ALDH8A1: variants seen among roughly 807,000 people sequenced by gnomAD.
ALDH8A1 encodes the protein 2-aminomuconic semialdehyde dehydrogenase.
In ALDH8A1, 39 loss-of-function variants were observed where a neutral mutation model predicts 43.3. The ratio of observed to expected loss-of-function variants is 0.90; its 90% CI spans 0.70 to 1.18. ALDH8A1 has a LOEUF of 1.18. Among genes scored for constraint, ALDH8A1 ranks in the 50% most tolerant of loss-of-function variants. The pLI, the probability that ALDH8A1 is intolerant of heterozygous loss-of-function variation, is 0.00. For missense variants in ALDH8A1, 605 were observed against 622.6 expected (o/e 0.97, Z 0.30); for synonymous variants, 233 against 243.5 (o/e 0.96, Z 0.40).
chr6:134,942,403 A>G lies in ALDH8A1; in HGVS notation c.442+6T>C. 6.2e-7 allele frequency: 1 copy of G among 1,604,308 alleles called. No homozygotes were observed. The highest frequency in any genetic ancestry group is 8.5e-7 in the Non-Finnish European group (1 of 1,173,562). ...GGGAGGTGGGCTCTCACTGAACAGC[A>G]CTCACCGACTCCCACCGGGGCCCGC... On this transcript the variant is annotated splice_donor_region_variant and intron_variant, in intron 3 of 6. Transcript: ENST00000265605.
chr6:134,944,985 T>C lies in ALDH8A1; in HGVS notation c.139-1019A>G, dbSNP rs186998047. Among the ~76,000 whole-genome samples, 581 of 149,670 alleles carry C rather than the reference T, an allele frequency of 3.9e-3. 3 individuals are homozygous for C. The highest frequency in any genetic ancestry group is 0.013 in the African/African-American group (520 of 41,044). ...AGTAGAAGAAGAAAATTAATCTAGA[T>C]ATGTGGAATCTCTAAAGCTTCTAAC... On this transcript the variant is annotated intron_variant, in intron 1 of 6. Transcript: ENST00000265605.
intron 5 of ALDH8A1, among the ~76,000 whole-genome samples, chr6:134,932,070 A>G (rs942189967): frequency 6.6e-6 from 1 of 152,236 alleles, no homozygotes; most frequent in African/African-American, 2.4e-5. Flanking sequence ...TCCAGGGTTT[A>G]TGTACACCTG....
chr6:134,923,783 A>G (rs549500099), intron 6 of ALDH8A1, among the ~76,000 whole-genome samples: 2 of 152,194 alleles, frequency 1.3e-5, no homozygotes, highest in Non-Finnish European at 2.9e-5. Context: ...AGGAATGAGG[A>G]CTAGTGGCCT....
In ALDH8A1 at chr6:134,944,903, G is replaced by A. The variant is rs556745641; in HGVS notation, c.139-937C>T. ...GACCCTGTCTCAAAAAAATGTATATGTTATACATATATACTATATATATAT... is the reference window on the plus strand; with the variant it reads ...GACCCTGTCTCAAAAAAATGTATATATTATACATATATACTATATATATAT... On this transcript the variant is annotated intron_variant, in intron 1 of 6. Transcript: ENST00000265605. Among the ~76,000 whole-genome samples, 630 of 144,614 alleles carry A rather than the reference G, an allele frequency of 4.4e-3. 3 individuals carry two copies. The highest frequency in any genetic ancestry group is 0.016 in the African/African-American group (599 of 38,406). 94.9% of individuals were successfully genotyped at this position (144,614 alleles called of 152,430 possible).
intron 4 of ALDH8A1, among the ~76,000 whole-genome samples, chr6:134,936,607 G>A (rs1773745154): frequency 6.6e-6 from 1 of 152,170 alleles, no homozygotes; most frequent in East Asian, 1.9e-4. Context: ...GTTCAGAGTA[G>A]CATTTTAACT....
At chr6:134,920,489 T>A (rs546298395) in intron 6 of ALDH8A1, among the ~76,000 whole-genome samples, 1 of 152,174 alleles carries the variant, frequency 6.6e-6, no homozygotes, top group East Asian at 1.9e-4. Flanking sequence ...GTGGCTGAAC[T>A]TCATCAATGA....
intron 6 of ALDH8A1, among the ~76,000 whole-genome samples, chr6:134,920,182 G>A (rs1410083860): frequency 6.6e-6 from 1 of 152,202 alleles, no homozygotes; most frequent in Non-Finnish European, 1.5e-5. Flanking sequence ...TTACAGGAAT[G>A]AGCCACCACA....
chr6:134,937,178 T>C (rs1052643142), intron 4 of ALDH8A1, among the ~76,000 whole-genome samples: 3 of 152,240 alleles, frequency 2.0e-5, no homozygotes, highest in South Asian at 2.1e-4. Flanking sequence ...CACTGTGTCA[T>C]CTTAAAAATG....
intron 6 of ALDH8A1, among the ~76,000 whole-genome samples, chr6:134,922,929 G>A (rs939640859): frequency 2.0e-5 from 3 of 152,176 alleles, no homozygotes; most frequent in South Asian, 2.1e-4. Flanking sequence ...CCTTAGGACT[G>A]TAAGATGCCA....
intron 1 of ALDH8A1, among the ~76,000 whole-genome samples, chr6:134,948,592 T>C (rs1488422404): frequency 6.6e-6 from 1 of 152,190 alleles, no homozygotes; most frequent in East Asian, 1.9e-4. Flanking sequence ...CGGGAGCCAC[T>C]GTTAGCAGCA....
chr6:134,926,745 G>T (rs1562252327), intron 6 of ALDH8A1, among the ~76,000 whole-genome samples: 2 of 151,926 alleles, frequency 1.3e-5, no homozygotes, highest in Non-Finnish European at 2.9e-5. Context: ...GGAGGTGGAG[G>T]TTGCAGTGAG....
Position 134,933,045 on chromosome 6 carries a change from C to T in ALDH8A1, c.593-13G>A. On this transcript the variant is annotated splice_polypyrimidine_tract_variant and intron_variant, in intron 4 of 6. Coordinates refer to ENST00000265605, the MANE Select transcript of ALDH8A1 (RefSeq NM_022568.4). ...CCTGGTGGAACACCTGGATAGGAAA[C>T]AGTATCAGTTATAGTAATTCTCAGT... The T allele has an allele frequency of 1.3e-6, 2 of 1,541,346 alleles. No individual in the cohort carries two copies. The highest frequency in any genetic ancestry group is 8.7e-7 in the Non-Finnish European group (1 of 1,149,060).
At chr6:134,925,451 G>A (rs559026584) in intron 6 of ALDH8A1, among the ~76,000 whole-genome samples, 3 of 152,228 alleles carry the variant, frequency 2.0e-5, no homozygotes, top group East Asian at 1.9e-4. Flanking sequence ...GGCCAGCGAC[G>A]GCCAGGACCT....
chr6:134,921,102 A>T (rs898591750), intron 6 of ALDH8A1, among the ~76,000 whole-genome samples: 1 of 152,174 alleles, frequency 6.6e-6, no homozygotes, highest in Non-Finnish European at 1.5e-5. Context: ...GTTGTTATTG[A>T]TGATGTTGGT....
At chr6:134,943,521 T>C (rs1393607735) in intron 2 of ALDH8A1, among the ~76,000 whole-genome samples, 3 of 152,242 alleles carry the variant, frequency 2.0e-5, no homozygotes, top group Admixed American at 1.3e-4. Flanking sequence ...TCTCCCTATA[T>C]CCATGCCCTT....
intron 6 of ALDH8A1, among the ~76,000 whole-genome samples, chr6:134,921,140 C>T (rs1776792993): frequency 6.6e-6 from 1 of 152,182 alleles, no homozygotes; most frequent in African/African-American, 2.4e-5. Flanking sequence ...TGACCCGACA[C>T]TTATTAGCTG....
rs766231142 is a variant in ALDH8A1, at chr6:134,918,712, C to T, written c.1167G>A (p.Thr389=). ...ACGTCACTGGACCAAATATCTCTTCCGTCATGCAGCAGGATTCATCCTTAA... is the reference window on the plus strand; with the variant it reads ...ACGTCACTGGACCAAATATCTCTTCTGTCATGCAGCAGGATTCATCCTTAA... ...TDIKDESCCM[T]EEIFGPVTCV... Residue 389 remains threonine (T), a synonymous_variant, in exon 7 of 7, where the codon ACG becomes ACA. Transcript: ENST00000265605. 1.4e-5 allele frequency: 22 copies of T among 1,614,136 alleles called. No individual in the cohort carries two copies. Among genetic ancestry groups the T allele is most frequent in the South Asian group, 3.3e-5 (3 of 91,080 alleles).
At position 134,932,913 on chromosome 6, in the gene ALDH8A1, G is replaced by A. The variant is rs373547028; in HGVS notation, c.712C>T (p.Arg238Trp). The change falls in exon 5 of 7, where the codon CGG becomes TGG. Residue 238 changes from arginine to tryptophan, a missense_variant. Coordinates refer to ENST00000265605, the MANE Select transcript of ALDH8A1 (RefSeq NM_022568.4). ...TGGGGAGCGCTCAGCTGGGTGATCC[G>A]CTCAGCGGTGGGCTGGCTCCCGGTG... ...SFTGSQPTAE[R>W]ITQLSAPHCK... is the part of the protein sequence containing the mutation. 2.2e-5 allele frequency: 36 copies of A among 1,614,056 alleles called. No homozygotes were observed. The highest frequency in any genetic ancestry group is 2.7e-5 in the African/African-American group (2 of 74,944).
intron 6 of ALDH8A1, among the ~76,000 whole-genome samples, 190 bp downstream of exon 6, chr6:134,928,864 C>T (rs994847533): frequency 5.3e-5 from 8 of 152,196 alleles, no homozygotes; most frequent in African/African-American, 1.9e-4. Context: ...TGCACTTTCA[C>T]CGGGACTGCA....
Sources: allele counts gnomAD v4.1 joint callset (sites outside exome capture counted in the v4.1 genomes callset), GRCh38; gene constraint gnomAD v4.1.1; transcripts MANE v1.5; gene names NCBI Gene and HGNC (gene_info 2026-07-23, HGNC 2026-07-21).